COL3A1: variants seen among roughly 807,000 people sequenced by gnomAD.
The protein encoded by COL3A1 is collagen alpha-1(III) chain.
A neutral mutation model predicts 200.9 loss-of-function variants in COL3A1; 46 were observed. The observed-to-expected ratio is 0.23, with a 90% CI of 0.18 to 0.29. The LOEUF (loss-of-function observed/expected upper bound fraction) is 0.29. Among genes scored for constraint, COL3A1 ranks in the 10% least tolerant of loss-of-function variants. The pLI, the probability that COL3A1 is intolerant of heterozygous loss-of-function variation, is 1.00. For synonymous variants in COL3A1, 650 were observed against 628.0 expected, an observed-to-expected ratio of 1.03 and a Z score of -0.52; for missense variants, 1,367 against 1,917.6, an observed-to-expected ratio of 0.71 and a Z score of 5.36.
At chr2:188,979,073 C>T (rs767627820) in intron 1 of COL3A1, among the ~76,000 whole-genome samples, 2 of 151,748 alleles carry the variant, frequency 1.3e-5, no homozygotes, top group Admixed American at 1.3e-4. Flanking sequence ...TGAAAGAGGA[C>T]GAGTCAAAAT....
intron 48 of COL3A1, 24 bp downstream of exon 48, chr2:189,009,245 T>C (rs375172109): frequency 1.2e-6 from 2 of 1,613,678 alleles, no homozygotes; most frequent in Non-Finnish European, 1.7e-6. Context: ...TCTTTCATCT[T>C]CATGGCAATA....
intron 35 of COL3A1, among the ~76,000 whole-genome samples, chr2:189,002,661 C>T (rs1479933913): frequency 6.6e-6 from 1 of 151,984 alleles, no homozygotes; most frequent in Non-Finnish European, 1.5e-5. Context: ...CTCTTAAATC[C>T]GGTCTTTCTC....
At chr2:188,981,444 A>G (rs1455068517) in intron 1 of COL3A1, among the ~76,000 whole-genome samples, 2 of 151,584 alleles carry the variant, frequency 1.3e-5, no homozygotes, top group East Asian at 3.9e-4. Flanking sequence ...AATTAATTAT[A>G]AATTGGAACA....
chr2:188,988,569 T>C (rs1334291518), intron 6 of COL3A1, 21 bp from the exon 7 acceptor site: 1 of 1,557,358 alleles, frequency 6.4e-7, no homozygotes, highest in Admixed American at 1.7e-5. Flanking sequence ...TTTAAAATTA[T>C]TTACATATTC....
rs1334001545 is a variant in COL3A1, at chr2:189,003,345, C to T, written c.2554-66C>T. ...TCATAGAGTTCCTGGTTTTCAAAGG[C>T]TTAATGCTTTTCCCAAATTTTGATT... On this transcript the variant is annotated intron_variant, in intron 36 of 50. Coordinates refer to ENST00000304636, the MANE Select transcript of COL3A1 (RefSeq NM_000090.4). 2.1e-6 allele frequency: 3 copies of T among 1,430,368 alleles called. No homozygotes were observed. In the African/African-American group the frequency reaches 4.2e-5, roughly 20 times the overall value. The allele number at this position is 1,430,368 out of a possible 1,614,324, so 88.6% of individuals were successfully genotyped here.
At chr2:188,990,030 T>C in intron 8 of COL3A1, 66 bp from the exon 9 acceptor site, 2 of 1,431,226 alleles carry the variant, frequency 1.4e-6, no homozygotes, top group East Asian at 2.3e-5. Context: ...GTAACCATTT[T>C]GCTTATTGGC....
chr2:188,988,251 A>G, intron 6 of COL3A1, 117 bp downstream of exon 6: 1 of 916,524 alleles, frequency 1.1e-6, no homozygotes, highest in Non-Finnish European at 1.8e-6. Flanking sequence ...TAGAGAAATC[A>G]TAACCAAGAA....
chr2:188,978,717 T>C (rs1687880425), intron 1 of COL3A1, among the ~76,000 whole-genome samples: 1 of 150,344 alleles, frequency 6.7e-6, no homozygotes, highest in Non-Finnish European at 1.5e-5. Context: ...TGTAAAAGTT[T>C]TCCCTAAGAT....
intron 24 of COL3A1, 23 bp downstream of exon 24, chr2:188,996,519 T>C: frequency 6.3e-7 from 1 of 1,586,728 alleles, no homozygotes; most frequent in Middle Eastern, 1.7e-4. Flanking sequence ...ATTAATTTCT[T>C]CAATAAATAT....
At chr2:188,983,675 T>C (rs1688002024) in intron 1 of COL3A1, among the ~76,000 whole-genome samples, 1 of 151,932 alleles carries the variant, frequency 6.6e-6, no homozygotes, top group Non-Finnish European at 1.5e-5. Flanking sequence ...CCTCTTTCAA[T>C]AGACATTTTA....
intron 31 of COL3A1, 99 bp from the exon 32 acceptor site, chr2:188,999,743 C>A: frequency 7.2e-7 from 1 of 1,379,838 alleles, no homozygotes; most frequent in South Asian, 1.2e-5. Flanking sequence ...ATTAGAACAC[C>A]CAATATATAT....
chr2:188,982,267 A>T (rs1194936570), intron 1 of COL3A1, among the ~76,000 whole-genome samples: 1 of 151,764 alleles, frequency 6.6e-6, no homozygotes, highest in Non-Finnish European at 1.5e-5. Context: ...GCTAAATAAC[A>T]ACGTTAATAC....
At chr2:189,006,162 G>A (rs774699830) in intron 41 of COL3A1, 44 bp from the exon 42 acceptor site, 6 of 1,600,782 alleles carry the variant, frequency 3.7e-6, no homozygotes, top group Non-Finnish European at 5.1e-6. Context: ...ATGGCATTTG[G>A]AAGGTTTCAA....
In COL3A1 at chr2:188,997,190, G is replaced by C; in HGVS notation, c.1787G>C (p.Arg596Pro). ...GGTGCTCCTGGTAAGAATGGAGAACGAGGTGGCCCTGGAGGACCTGGCCCT... is the reference window on the plus strand; with the variant it reads ...GGTGCTCCTGGTAAGAATGGAGAACCAGGTGGCCCTGGAGGACCTGGCCCT... ...NDGAPGKNGERGGPGGPGPQG... is the reference protein window; with the variant it reads ...NDGAPGKNGEPGGPGGPGPQG... The change falls in exon 25 of 51, where the codon CGA (arginine) becomes CCA (proline). Residue 596 changes from arginine to proline, a missense_variant. Around this residue, in one of 5 missense-constraint regions of COL3A1, gnomAD observed 846 missense variants for 1,147.9 expected, o/e 0.74. Transcript: ENST00000304636. The C allele has an allele frequency of 6.2e-7, 1 of 1,614,008 alleles. No homozygotes were observed. The highest frequency in any genetic ancestry group is 8.5e-7 in the Non-Finnish European group (1 of 1,179,988).
intron 1 of COL3A1, among the ~76,000 whole-genome samples, chr2:188,982,200 G>T (rs1687967702): frequency 1.3e-5 from 2 of 151,396 alleles, no homozygotes; most frequent in Non-Finnish European, 3.0e-5. Context: ...TTATATTGAG[G>T]CCTCCGTGTT....
rs1027273217 is a variant in COL3A1, at chr2:188,990,890, A to G, written c.799-114A>G. 4.9e-6 allele frequency: 5 copies of G among 1,014,136 alleles called. No homozygotes were observed. In the African/African-American group the frequency reaches 6.4e-5, roughly 13 times the overall value. 62.8% of individuals were successfully genotyped at this position (1,014,136 alleles called of 1,614,324 possible). A position where few individuals can be genotyped will look rare whatever the true frequency, so the allele number is the denominator to read the frequency against. ...AAACAAGTTTTAAATTATTTAAGCTAATTTTGCAAGTAGTGTTATGAAGAC... is the reference window on the plus strand; with the variant it reads ...AAACAAGTTTTAAATTATTTAAGCTGATTTTGCAAGTAGTGTTATGAAGAC... On this transcript the variant is annotated intron_variant, in intron 10 of 50. Transcript: ENST00000304636.
At chr2:188,991,571 T>A (rs1688189703) in intron 12 of COL3A1, 40 bp downstream of exon 12, 2 of 1,604,524 alleles carry the variant, frequency 1.2e-6, no homozygotes, top group Non-Finnish European at 1.7e-6. Context: ...GTTTTATTAT[T>A]AACCTCATTG....
rs28413125 is a variant in COL3A1 at position 188,997,236 on chromosome 2, A to G, written c.1815+18A>G. ...GCCCTCAGGTACGTAGCTTTCCTCAATTTATTTCTAGCCTTCTAATAGATG... is the reference window on the plus strand; with the variant it reads ...GCCCTCAGGTACGTAGCTTTCCTCAGTTTATTTCTAGCCTTCTAATAGATG... On this transcript the variant is annotated intron_variant, in intron 25 of 50. Transcript: ENST00000304636. 30,889 of 1,613,690 alleles carry G rather than the reference A, an allele frequency of 0.019. 2,581 individuals are homozygous for G. The African/African-American group carries it at 0.25, about 13-fold the overall frequency.
Position 188,994,800 on chromosome 2 carries a change from C to T in COL3A1, c.1424C>T (p.Ala475Val), listed in dbSNP as rs770168441. 9.3e-6 allele frequency: 15 copies of T among 1,613,236 alleles called. No individual in the cohort carries two copies. The Admixed American group carries it at 1.3e-4, about 14-fold the overall frequency. Reference protein sequence around the residue: ...GKDGSPGEPGANGLPGAAGER... With the variant: ...GKDGSPGEPGVNGLPGAAGER... ...GATGGATCACCTGGAGAACCTGGTGCAAATGGGCTTCCAGGAGCTGCAGGA... is the reference window on the plus strand; with the variant it reads ...GATGGATCACCTGGAGAACCTGGTGTAAATGGGCTTCCAGGAGCTGCAGGA... Residue 475 changes from alanine to valine, a missense_variant, in exon 20 of 51, where the codon GCA (alanine) becomes GTA (valine). Ala to Val is a moderately conservative substitution (Grantham distance 64, BLOSUM62 0). Transcript: ENST00000304636. The surrounding 1 kb of genome is among the most constrained non-coding windows in gnomAD (Gnocchi z 4.5).
Sources: allele counts gnomAD v4.1 joint callset (sites outside exome capture counted in the v4.1 genomes callset), GRCh38; gene constraint gnomAD v4.1.1; regional missense constraint gnomAD v4.1.1; non-coding constraint Gnocchi (gnomAD v3.1); transcripts MANE v1.5; gene names NCBI Gene and HGNC (gene_info 2026-07-23, HGNC 2026-07-21).